LRMDA: variants seen among roughly 807,000 people sequenced by gnomAD.
The protein encoded by LRMDA is leucine rich melanocyte differentiation associated.
Under a neutral mutation model 29.8 loss-of-function variants are expected in LRMDA, and 18 were observed. That is an observed-to-expected ratio of 0.60 (90% confidence interval 0.42 to 0.90). LRMDA has a LOEUF of 0.90. Among genes scored for constraint, LRMDA ranks in the 40% least tolerant of loss-of-function variants. The pLI is 0.00. For synonymous variants in LRMDA, 125 were observed against 109.4 expected, an observed-to-expected ratio of 1.14 and a Z score of -0.89; for missense variants, 273 against 273.9, an observed-to-expected ratio of 1.00 and a Z score of 0.02.
Position 75,829,240 on chromosome 10 carries a change from C to T in LRMDA, c.132-206768C>T, listed in dbSNP as rs942687658. Among the ~76,000 whole-genome samples the T allele has an allele frequency of 3.9e-5, 6 of 152,122 alleles. No individual in the cohort carries two copies. In the East Asian group the frequency reaches 9.6e-4, roughly 24 times the overall value. On this transcript the variant is annotated intron_variant, in intron 2 of 6. Transcript: ENST00000611255. ...AGCTCCACACCAAAGCAGGCATCCA[C>T]TCAAGGCCAGCTCAACACTTCAGCT...
chr10:75,827,557 C>T (rs147917697), intron 2 of LRMDA, among the ~76,000 whole-genome samples: 20 of 152,298 alleles, frequency 1.3e-4, no homozygotes, highest in African/African-American at 4.8e-4. Context: ...TGGAGGACAA[C>T]AGAAACCTCT....
At chr10:75,855,017 G>A in intron 2 of LRMDA, among the ~76,000 whole-genome samples, 1 of 152,130 alleles carries the variant, frequency 6.6e-6, no homozygotes, top group Non-Finnish European at 1.5e-5. Flanking sequence ...GAATAGTGCT[G>A]CAATAAACAT....
intron 2 of LRMDA, among the ~76,000 whole-genome samples, chr10:75,754,756 A>G (rs938509361): frequency 6.6e-6 from 1 of 151,038 alleles, no homozygotes; most frequent in Non-Finnish European, 1.5e-5. Context: ...CGTTTCCTTC[A>G]TCCAGCTAGC....
intron 2 of LRMDA, among the ~76,000 whole-genome samples, chr10:75,622,924 T>C (rs1253364389): frequency 6.6e-6 from 1 of 152,192 alleles, no homozygotes; most frequent in Non-Finnish European, 1.5e-5. Context: ...GGCTGAGATA[T>C]GCATGTGGAA....
intron 6 of LRMDA, among the ~76,000 whole-genome samples, chr10:76,334,266 TAGTCCC>T (rs1564727152): frequency 6.6e-6 from 1 of 152,240 alleles, no homozygotes; most frequent in African/African-American, 2.4e-5. Context: ...ATTAACTTCC[TAGTCCC>T]AGTTCTTCTG....
chr10:75,680,511 C>A (rs1293076414), intron 2 of LRMDA, among the ~76,000 whole-genome samples: 3 of 151,736 alleles, frequency 2.0e-5, no homozygotes, highest in African/African-American at 7.3e-5. Flanking sequence ...ATATATATTT[C>A]TCTTCCTATC....
At chr10:76,533,827 A>T (rs1461968372) in intron 6 of LRMDA, among the ~76,000 whole-genome samples, 1 of 152,226 alleles carries the variant, frequency 6.6e-6, no homozygotes, top group East Asian at 1.9e-4. Context: ...TATATGCTCA[A>T]CTTGAGAAAC....
chr10:76,086,246 C>A (rs1849133507), intron 5 of LRMDA, among the ~76,000 whole-genome samples: 1 of 152,148 alleles, frequency 6.6e-6, no homozygotes, highest in South Asian at 2.1e-4. Flanking sequence ...GGAAAGAGTT[C>A]ACTCTCACCA....
chr10:76,533,450 A>C (rs1454951770), intron 6 of LRMDA, among the ~76,000 whole-genome samples: 1 of 152,188 alleles, frequency 6.6e-6, no homozygotes, highest in South Asian at 2.1e-4. Context: ...CTTTATGTTC[A>C]TTGTTGAAAT....
chr10:75,833,818 G>A (rs1844387174), intron 2 of LRMDA, among the ~76,000 whole-genome samples: 1 of 152,152 alleles, frequency 6.6e-6, no homozygotes, highest in South Asian at 2.1e-4. Context: ...AGGCACAGGA[G>A]ACTGTTTATA....
chr10:75,744,993 C>T (rs943762423), intron 2 of LRMDA, among the ~76,000 whole-genome samples: 1 of 152,212 alleles, frequency 6.6e-6, no homozygotes, highest in Non-Finnish European at 1.5e-5. Context: ...TCTCTGACCA[C>T]ACTGTGCACG....
rs78142510 is a variant in LRMDA at position 76,357,947 on chromosome 10, A to G, written c.601+33462A>G. On this transcript the variant is annotated intron_variant, in intron 6 of 6. Transcript: ENST00000611255. ...TTTGAGGAGCTTGGAGGCCATTGTG[A>G]AAACAGGAAAGACAAGCACAATCCT... 7.5e-3 allele frequency among the ~76,000 whole-genome samples: 1,135 copies of G among 152,274 alleles called. 15 individuals are homozygous for G. The highest frequency in any genetic ancestry group is 0.026 in the African/African-American group (1,071 of 41,566).
chr10:76,417,955 T>C (rs1163547945), intron 6 of LRMDA, among the ~76,000 whole-genome samples: 2 of 152,174 alleles, frequency 1.3e-5, no homozygotes, highest in East Asian at 3.8e-4. Flanking sequence ...TCAATTGTCT[T>C]CATATATGTG....
intron 2 of LRMDA, among the ~76,000 whole-genome samples, chr10:75,472,478 A>T (rs1844738319): frequency 6.6e-6 from 1 of 152,248 alleles, no homozygotes; most frequent in Non-Finnish European, 1.5e-5. Flanking sequence ...AATGAGTGTC[A>T]TGTAAGTGGC....
At chr10:76,403,315 C>T (rs1034141855) in intron 6 of LRMDA, 8 of 151,964 alleles carry the variant, frequency 5.3e-5, no homozygotes, top group Non-Finnish European at 1.0e-4. Flanking sequence ...TCATCTTCTT[C>T]GCCAAGCACC....
At position 75,716,528 on chromosome 10, in the gene LRMDA, C is replaced by G. The variant is rs532201356; in HGVS notation, c.131+278034C>G. Among the ~76,000 whole-genome samples the G allele has an allele frequency of 5.3e-4, 80 of 152,304 alleles. No individual in the cohort carries two copies. The South Asian group carries it at 8.9e-3, about 17-fold the overall frequency. ...CAAATGTTTCTTTGCCTGCAAGACT[C>G]TCTTCAACACTCTGTGTTCAATAAG... On this transcript the variant is annotated intron_variant, in intron 2 of 6. Transcript: ENST00000611255.
chr10:75,822,697 A>G (rs573067184), intron 2 of LRMDA, among the ~76,000 whole-genome samples: 47 of 152,254 alleles, frequency 3.1e-4, no homozygotes, highest in African/African-American at 1.1e-3. Context: ...TGAAAAAAAT[A>G]TACTCTGGGG....
intron 2 of LRMDA, among the ~76,000 whole-genome samples, chr10:75,684,768 T>C (rs745910153): frequency 2.0e-5 from 3 of 152,202 alleles, no homozygotes; most frequent in Non-Finnish European, 4.4e-5. Context: ...GAGAAATTGT[T>C]TGGGGCTTAA....
intron 2 of LRMDA, among the ~76,000 whole-genome samples, chr10:75,960,629 T>G (rs1195328883): frequency 6.6e-6 from 1 of 152,222 alleles, no homozygotes; most frequent in African/African-American, 2.4e-5. Flanking sequence ...TTTATTTATT[T>G]TAGAGATAGA....
Sources: gnomAD v4.1 joint callset for allele counts (sites outside exome capture counted in the v4.1 genomes callset) on GRCh38, gnomAD v4.1.1 for gene constraint, MANE v1.5 for transcripts, NCBI Gene and HGNC (gene_info 2026-07-23, HGNC 2026-07-21) for gene names.